Variants in GPR39 observed in about 807,000 individuals in gnomAD.
The protein encoded by GPR39 is G protein-coupled receptor 39, also known as zinc sensing receptor.
A neutral mutation model predicts 18.4 loss-of-function variants in GPR39; 23 were observed. The ratio of observed to expected loss-of-function variants is 1.25; its 90% CI spans 0.90 to 1.77. The LOEUF (loss-of-function observed/expected upper bound fraction) is 1.77, where lower values mean the gene tolerates loss of function less well. Among genes scored for constraint, GPR39 ranks in the 40% most tolerant of loss-of-function variants. The probability of loss-of-function intolerance (pLI) is 0.00; values close to 1 mark genes in which losing one functional copy is unlikely to be tolerated. For synonymous variants in GPR39, 280 were observed against 257.9 expected (o/e 1.09, Z -0.82); for missense variants, 647 against 602.4 (o/e 1.07, Z -0.78).
At chr2:132,565,966 G>T (rs1180935756) in intron 1 of GPR39, among the ~76,000 whole-genome samples, 10 of 126,332 alleles carry the variant, frequency 7.9e-5, no homozygotes, top group African/African-American at 2.7e-4. Flanking sequence ...GATCCCTGAG[G>T]AATCGCCACA....
chr2:132,434,170 A>G (rs1252802198), intron 1 of GPR39, among the ~76,000 whole-genome samples: 1 of 152,114 alleles, frequency 6.6e-6, no homozygotes, highest in Non-Finnish European at 1.5e-5. Flanking sequence ...GCCATGAAGG[A>G]CGTTTATTAG....
rs562516474 is a variant in GPR39, at chr2:132,436,378, T to C, written c.856+18480T>C. Among the ~76,000 whole-genome samples, 147 of 152,348 alleles carry C rather than the reference T, an allele frequency of 9.6e-4. No homozygotes were observed. The Middle Eastern group carries it at 0.02, about 21-fold the overall frequency. ...ATGACTTTCACTGTGAAGTAAACAG[T>C]TGATTGTTTAGACATTACTTATGTC... On this transcript the variant is annotated intron_variant, in intron 1 of 1. Coordinates refer to ENST00000329321, the MANE Select transcript of GPR39 (RefSeq NM_001508.3).
intron 1 of GPR39, among the ~76,000 whole-genome samples, chr2:132,609,338 A>G (rs1344805931): frequency 6.6e-6 from 1 of 152,134 alleles, no homozygotes; most frequent in Admixed American, 6.5e-5. Context: ...CGTGCCAGGT[A>G]TTGTGCTGTG....
chr2:132,514,761 G>A (rs1357245468), intron 1 of GPR39, among the ~76,000 whole-genome samples: 1 of 152,130 alleles, frequency 6.6e-6, no homozygotes, highest in Non-Finnish European at 1.5e-5. Flanking sequence ...GAGAAATTTA[G>A]AAAACTTTCT....
chr2:132,438,915 C>T (rs1680383036), intron 1 of GPR39, among the ~76,000 whole-genome samples: 6 of 152,154 alleles, frequency 3.9e-5, no homozygotes. Context: ...GCCATGGCAG[C>T]ATATTAATAT....
chr2:132,639,196 C>G (rs1050782432), intron 1 of GPR39, among the ~76,000 whole-genome samples: 2 of 151,676 alleles, frequency 1.3e-5, no homozygotes, highest in South Asian at 4.2e-4. Flanking sequence ...TTAATAGGCC[C>G]CAGCCATCAA....
At chr2:132,644,721 T>G (rs1213405844) in intron 1 of GPR39, 2 of 213,988 alleles carry the variant, frequency 9.3e-6, no homozygotes, top group Admixed American at 1.1e-4. Context: ...ATACTGTATG[T>G]ATACATCTTT....
chr2:132,495,421 A>G (rs1459697730), intron 1 of GPR39, among the ~76,000 whole-genome samples: 1 of 152,006 alleles, frequency 6.6e-6, no homozygotes, highest in Admixed American at 6.6e-5. Flanking sequence ...GGAAGCCCCA[A>G]ACTGTGGGGG....
At chr2:132,635,180 C>G (rs947137905) in intron 1 of GPR39, among the ~76,000 whole-genome samples, 6 of 152,224 alleles carry the variant, frequency 3.9e-5, no homozygotes, top group African/African-American at 1.4e-4. Context: ...ACCTCTTTGA[C>G]AGAGAAGCTG....
chr2:132,629,467 A>G (rs908691279), intron 1 of GPR39, among the ~76,000 whole-genome samples: 4 of 152,196 alleles, frequency 2.6e-5, no homozygotes, highest in African/African-American at 4.8e-5. Flanking sequence ...GTGTAAGTGT[A>G]TTGTCTAATT....
At chr2:132,457,555 G>T (rs997627036) in intron 1 of GPR39, among the ~76,000 whole-genome samples, 2 of 152,184 alleles carry the variant, frequency 1.3e-5, no homozygotes, top group African/African-American at 4.8e-5. Flanking sequence ...AGCCCCTACT[G>T]GGAGGTGTCT....
intron 1 of GPR39, among the ~76,000 whole-genome samples, chr2:132,549,442 C>T (rs573776052): frequency 1.5e-4 from 23 of 152,262 alleles, no homozygotes; most frequent in East Asian, 5.8e-4. Flanking sequence ...AGGAACAAAA[C>T]GAAATCCCCA....
chr2:132,455,461 T>C (rs1372328263), intron 1 of GPR39, among the ~76,000 whole-genome samples: 1 of 152,188 alleles, frequency 6.6e-6, no homozygotes, highest in Non-Finnish European at 1.5e-5. Flanking sequence ...TTTGAAGGGT[T>C]TTTTGTTTCT....
intron 1 of GPR39, among the ~76,000 whole-genome samples, chr2:132,516,016 T>C (rs1246492865): frequency 6.6e-6 from 1 of 152,220 alleles, no homozygotes; most frequent in Non-Finnish European, 1.5e-5. Context: ...TCTCCTGTTA[T>C]CGGAGTCCCA....
intron 1 of GPR39, among the ~76,000 whole-genome samples, chr2:132,569,440 C>T (rs11890398): frequency 0.083 from 12,619 of 152,060 alleles, 1,885 homozygotes; most frequent in African/African-American, 0.29. Flanking sequence ...TGCTACTGGT[C>T]GTGCAAAGGC....
intron 1 of GPR39, among the ~76,000 whole-genome samples, chr2:132,567,061 G>A (rs942991335): frequency 2.0e-5 from 3 of 152,114 alleles, no homozygotes; most frequent in Non-Finnish European, 4.4e-5. Context: ...GGCCAGGTGT[G>A]GTGGCTCATG....
rs1408587454 is a variant in GPR39 at position 132,619,405 on chromosome 2, G to C, written c.857-25696G>C. Among the ~76,000 whole-genome samples, 4 of 152,180 alleles carry C rather than the reference G, an allele frequency of 2.6e-5. No homozygotes were observed. In the East Asian group the frequency reaches 5.8e-4, roughly 22 times the overall value. On this transcript the variant is annotated intron_variant, in intron 1 of 1. Coordinates refer to ENST00000329321, the MANE Select transcript of GPR39 (RefSeq NM_001508.3). ...GTCTTTGGTCCCAGCTGGGAAGGCA[G>C]AACTGACCTCCACCCCTTGAGCCTT...
chr2:132,573,753 A>T (rs1680482410), intron 1 of GPR39, among the ~76,000 whole-genome samples: 1 of 152,250 alleles, frequency 6.6e-6, no homozygotes, highest in South Asian at 2.1e-4. Context: ...AGCTAATTGA[A>T]TGCGAATGTC....
chr2:132,553,161 A>C (rs941643832), intron 1 of GPR39, among the ~76,000 whole-genome samples: 32 of 151,276 alleles, frequency 2.1e-4, no homozygotes, highest in Admixed American at 1.9e-3. Flanking sequence ...CCTGACCTCA[A>C]CTATGCCTCC....
Sources: gnomAD v4.1 joint callset for allele counts (sites outside exome capture counted in the v4.1 genomes callset) on GRCh38, gnomAD v4.1.1 for gene constraint, MANE v1.5 for transcripts, NCBI Gene and HGNC (gene_info 2026-07-23, HGNC 2026-07-21) for gene names.